The following ARID2 variants were observed in gnomAD, a reference collection of about 807,000 sequenced individuals.
ARID2 encodes AT-rich interaction domain 2.
A neutral mutation model predicts 184.6 loss-of-function variants in ARID2; 32 were observed. The ratio of observed to expected loss-of-function variants is 0.17; its 90% CI spans 0.13 to 0.23. The LOEUF is 0.23. ARID2 is among the 10% of genes least tolerant of loss of function. The pLI is 1.00. For synonymous variants in ARID2, 836 were observed against 772.6 expected, an observed-to-expected ratio of 1.08 and a Z score of -1.36; for missense variants, 1,696 against 2,197.6, an observed-to-expected ratio of 0.77 and a Z score of 4.56.
rs745770012 is a variant in ARID2, at chr12:45,851,749, G to C, written c.3626G>C (p.Gly1209Ala). Residue 1209 changes from glycine (G) to alanine (A), a missense_variant, in exon 15 of 21, where the codon GGA becomes GCA. Transcript: ENST00000334344. ...ATTACCATGAGCGGAACGCAGACAG[G>C]AGTTGGACTTCCAGTACAAACGCTT... The part of the protein sequence containing the change: ...AGITMSGTQT[G>A]VGLPVQTLPA... The C allele has an allele frequency of 3.1e-6, 5 of 1,614,104 alleles. No homozygotes were observed. The highest frequency in any genetic ancestry group is 3.4e-6 in the Non-Finnish European group (4 of 1,180,002).
chr12:45,833,009 T>A (rs1470656457), intron 6 of ARID2, among the ~76,000 whole-genome samples: 3 of 152,172 alleles, frequency 2.0e-5, no homozygotes, highest in African/African-American at 7.2e-5. Flanking sequence ...TATTAGATCA[T>A]GGGGGTGTTC....
At chr12:45,890,343 T>C (rs1272187047) in intron 16 of ARID2, among the ~76,000 whole-genome samples, 1 of 152,244 alleles carries the variant, frequency 6.6e-6, no homozygotes. Context: ...AAAAATAGTT[T>C]AGAAATAGAC....
intron 6 of ARID2, among the ~76,000 whole-genome samples, chr12:45,823,382 C>T (rs1942934928): frequency 6.6e-6 from 1 of 152,032 alleles, no homozygotes; most frequent in African/African-American, 2.4e-5. Flanking sequence ...CCTAATGATA[C>T]ACCTTAAGGA....
At chr12:45,748,051 G>T (rs1941392190) in intron 3 of ARID2, among the ~76,000 whole-genome samples, 1 of 152,166 alleles carries the variant, frequency 6.6e-6, no homozygotes, top group Non-Finnish European at 1.5e-5. Flanking sequence ...TAATTGTTCA[G>T]TAGCATTATG....
In ARID2 at chr12:45,785,617, A is replaced by G. The variant is rs117639122; in HGVS notation, c.285-25801A>G. ...GAAAAGCTCCAAAATTGGAAACTTT[A>G]TGAATGCCAACATGACACTTAAAGG... is the stretch of plus-strand genomic sequence containing the variant. On this transcript the variant is annotated intron_variant, in intron 3 of 20. Transcript: ENST00000334344. 2.0e-3 allele frequency among the ~76,000 whole-genome samples: 302 copies of G among 152,342 alleles called. 3 individuals carry two copies. The East Asian group carries it at 0.04, about 20-fold the overall frequency.
chr12:45,899,788 C>T (rs889328889), intron 20 of ARID2, among the ~76,000 whole-genome samples: 3 of 80,240 alleles, frequency 3.7e-5, no homozygotes, highest in Non-Finnish European at 1.0e-4. Flanking sequence ...ACCCCCCCCT[C>T]CCACCTCCAA....
chr12:45,815,101 C>G (rs1042006295), intron 4 of ARID2, among the ~76,000 whole-genome samples: 7 of 152,164 alleles, frequency 4.6e-5, no homozygotes, highest in Non-Finnish European at 7.4e-5. Context: ...ATTCTAAGAT[C>G]ATATTGAAAA....
In ARID2 at chr12:45,906,124, C is replaced by T. The variant is rs1944527967; in HGVS notation, c.*1046C>T. Reference sequence around the variant, plus strand: ...GTCGTGTACAAGCTCAGAGCTTGGACAGAATTTTTTGTATTTGTAAATTGG... The same window carrying T: ...GTCGTGTACAAGCTCAGAGCTTGGATAGAATTTTTTGTATTTGTAAATTGG... On this transcript the variant is annotated 3_prime_UTR_variant, in exon 21 of 21. Coordinates refer to ENST00000334344, the MANE Select transcript of ARID2 (RefSeq NM_152641.4). The T allele has an allele frequency of 4.3e-6, 1 of 232,308 alleles. No homozygotes were observed. The highest frequency in any genetic ancestry group is 2.2e-5 in the African/African-American group (1 of 45,200). The allele number at this position is 232,308 out of a possible 1,614,324, so 14.4% of individuals were successfully genotyped here. A position where few individuals can be genotyped will look rare whatever the true frequency, so the allele number is the denominator to read the frequency against.
intron 16 of ARID2, among the ~76,000 whole-genome samples, chr12:45,884,280 C>T (rs984288938): frequency 2.0e-5 from 3 of 152,060 alleles, no homozygotes; most frequent in Admixed American, 6.6e-5. Context: ...CCTGTAATCT[C>T]AGCTACTTGG....
intron 16 of ARID2, among the ~76,000 whole-genome samples, chr12:45,885,632 G>A (rs1402261106): frequency 3.9e-5 from 6 of 152,178 alleles, no homozygotes; most frequent in Admixed American, 3.9e-4. Context: ...TGGGTAATTT[G>A]CAAAGGAAAG....
intron 2 of ARID2, 54 bp downstream of exon 2, chr12:45,730,191 C>T: frequency 6.3e-7 from 1 of 1,580,442 alleles, no homozygotes; most frequent in Non-Finnish European, 8.6e-7. Context: ...TCCAAAAAGT[C>T]TCCTTTGACC....
At chr12:45,791,808 A>G (rs1942297535) in intron 3 of ARID2, among the ~76,000 whole-genome samples, 1 of 152,204 alleles carries the variant, frequency 6.6e-6, no homozygotes, top group Non-Finnish European at 1.5e-5. Flanking sequence ...CCCACCAGCA[A>G]GAAAGTTGTC....
At chr12:45,771,698 A>T (rs914491564) in intron 3 of ARID2, among the ~76,000 whole-genome samples, 1 of 151,466 alleles carries the variant, frequency 6.6e-6, no homozygotes, top group African/African-American at 2.4e-5. Context: ...AAAACTATAT[A>T]TATATATATA....
At chr12:45,834,604 A>G (rs909117811) in intron 6 of ARID2, among the ~76,000 whole-genome samples, 1 of 152,132 alleles carries the variant, frequency 6.6e-6, no homozygotes, top group Non-Finnish European at 1.5e-5. Flanking sequence ...TTAGTTGGGC[A>G]TGGTGGCACG....
chr12:45,904,867 A>G (rs1369482608), intron 20 of ARID2, 67 bp from the exon 21 acceptor site: 25 of 1,561,978 alleles, frequency 1.6e-5, no homozygotes, highest in Non-Finnish European at 1.9e-5. Context: ...TAAACTTGCA[A>G]AATTCATGAT....
At chr12:45,879,791 A>C (rs1165708595) in intron 16 of ARID2, among the ~76,000 whole-genome samples, 1 of 152,252 alleles carries the variant, frequency 6.6e-6, no homozygotes, top group Non-Finnish European at 1.5e-5. Context: ...AATGTTGACT[A>C]TTAGTTTATC....
intron 6 of ARID2, among the ~76,000 whole-genome samples, chr12:45,829,924 T>A (rs1365956832): frequency 2.0e-5 from 3 of 150,582 alleles, no homozygotes; most frequent in Non-Finnish European, 4.4e-5. Flanking sequence ...TTGACTTATT[T>A]GTTAAATTTC....
chr12:45,754,688 A>G (rs1341366980), intron 3 of ARID2, among the ~76,000 whole-genome samples: 1 of 152,182 alleles, frequency 6.6e-6, no homozygotes, highest in East Asian at 1.9e-4. Context: ...CTCCTCATTT[A>G]TATCTCTATT....
At chr12:45,849,453 A>T in intron 13 of ARID2, 127 bp from the exon 14 acceptor site, 1 of 610,734 alleles carries the variant, frequency 1.6e-6, no homozygotes, top group Non-Finnish European at 2.7e-6. Flanking sequence ...CTTGCAGAAT[A>T]TAACTGTGAG....
Sources: gnomAD v4.1 joint callset for allele counts (sites outside exome capture counted in the v4.1 genomes callset) on GRCh38, gnomAD v4.1.1 for gene constraint, MANE v1.5 for transcripts, NCBI Gene and HGNC (gene_info 2026-07-23, HGNC 2026-07-21) for gene names.